BAHCC1: variants seen among roughly 807,000 people sequenced by gnomAD.
BAHCC1 encodes the protein BAH and coiled-coil domain-containing protein 1.
Under a neutral mutation model 88.2 loss-of-function variants are expected in BAHCC1, and 43 were observed. That is an observed-to-expected ratio of 0.49 (90% CI 0.38 to 0.63). BAHCC1 has a LOEUF of 0.63. Among genes scored for constraint, BAHCC1 ranks in the 20% least tolerant of loss-of-function variants. The probability of loss-of-function intolerance (pLI) is 0.00; values close to 1 mark genes in which losing one functional copy is unlikely to be tolerated. For missense variants in BAHCC1, 3,023 were observed against 1,654.8 expected (o/e 1.83, Z -14.34); for synonymous variants, 1,510 against 745.5 (o/e 2.03, Z -16.71).
chr17:81,428,438 C>T (rs1598474751), intron 3 of BAHCC1, among the ~76,000 whole-genome samples: 1 of 152,216 alleles, frequency 6.6e-6, no homozygotes, highest in Non-Finnish European at 1.5e-5. Flanking sequence ...CTGCCTGGTC[C>T]TGGCCCAGCC....
chr17:81,404,833 TCTC>T (rs1346294137), intron 2 of BAHCC1, among the ~76,000 whole-genome samples: 19 of 152,176 alleles, frequency 1.2e-4, no homozygotes, highest in African/African-American at 4.6e-4. Context: ...GCACCTTTGT[TCTC>T]CTTCTCTCTG....
chr17:81,448,459 C>A (rs914052575), intron 11 of BAHCC1, among the ~76,000 whole-genome samples: 3 of 152,156 alleles, frequency 2.0e-5, no homozygotes. Context: ...CCACCCTGGG[C>A]CTTGGTCCGG....
chr17:81,442,106 G>T lies in BAHCC1; in HGVS notation c.757G>T (p.Val253Leu), dbSNP rs782491275. ...EDGGKERHKL[V>L]LPVPADGHCR... ...CGGTGGCAAGGAGCGGCACAAGCTG[G>T]TGCTGCCCGTGCCAGCCGACGGGCA... The change falls in exon 5 of 28, where the codon GTG becomes TTG. Residue 253 changes from valine to leucine, a missense_variant. Transcript: ENST00000675386. 1.4e-6 allele frequency: 1 copy of T among 695,688 alleles called. No individual in the cohort carries two copies. Among genetic ancestry groups the T allele is most frequent in the Non-Finnish European group, 2.7e-6 (1 of 376,572 alleles). The allele number at this position is 695,688 out of a possible 1,614,324, so 43.1% of individuals were successfully genotyped here.
chr17:81,445,362 C>T lies in BAHCC1; in HGVS notation c.2844C>T (p.Pro948=), dbSNP rs756157424. The change falls in exon 10 of 28, where the codon CCC becomes CCT. Residue 948 remains proline (P), a synonymous_variant. Transcript: ENST00000675386. ...GCCCCCATCCCTGACAGCGGAAGCC[C>T]GAAGACCAGCACCTGGATCTGGAGG... ...QQRAAQFQRK[P]EDQHLDLEEP... The T allele has an allele frequency of 1.4e-5, 11 of 774,790 alleles. No homozygotes were observed. Among genetic ancestry groups the T allele is most frequent in the Admixed American group, 1.2e-4 (7 of 58,574 alleles). 48.0% of individuals were successfully genotyped at this position (774,790 alleles called of 1,614,324 possible). A position where few individuals can be genotyped will look rare whatever the true frequency, so the allele number is the denominator to read the frequency against.
chr17:81,452,021 G>A lies in BAHCC1; in HGVS notation c.4230G>A (p.Gly1410=). The change falls in exon 13 of 28, where the codon GGG becomes GGA. Residue 1410 remains glycine (G), a synonymous_variant. Coordinates refer to ENST00000675386, the MANE Select transcript of BAHCC1 (RefSeq NM_001377448.1). ...AIDRLDTQEV[G]MRVRLAELQR... ...ACCGGCTGGACACGCAGGAGGTGGG[G>A]ATGCGCGTGCGGCTGGCGGAGCTGC... 2 of 636,260 alleles carry A rather than the reference G, an allele frequency of 3.1e-6. No homozygotes were observed. The highest frequency in any genetic ancestry group is 2.8e-6 in the Non-Finnish European group (1 of 358,792). The allele number at this position is 636,260 out of a possible 1,614,324, so 39.4% of individuals were successfully genotyped here.
At chr17:81,402,838 C>T (rs1374008981) in intron 2 of BAHCC1, 4 of 152,218 alleles carry the variant, frequency 2.6e-5, no homozygotes, top group Non-Finnish European at 5.9e-5. Context: ...TGGGTGGGGA[C>T]ATGGGGCTCC....
At chr17:81,432,177 G>A (rs1388118385) in intron 3 of BAHCC1, among the ~76,000 whole-genome samples, 1 of 152,142 alleles carries the variant, frequency 6.6e-6, no homozygotes, top group African/African-American at 2.4e-5. Context: ...CCACTGCTGG[G>A]GCCAGTGGCC....
intron 2 of BAHCC1, among the ~76,000 whole-genome samples, chr17:81,406,622 G>C (rs1036945216): frequency 6.6e-6 from 1 of 152,266 alleles, no homozygotes; most frequent in East Asian, 1.9e-4. Flanking sequence ...ATAATATACC[G>C]TTTCGCTCAC....
At chr17:81,404,961 G>T (rs1482642632) in intron 2 of BAHCC1, among the ~76,000 whole-genome samples, 1 of 152,216 alleles carries the variant, frequency 6.6e-6, no homozygotes, top group African/African-American at 2.4e-5. Context: ...GTCTCCCCAC[G>T]AAAATAAGAG....
chr17:81,429,052 G>T (rs906752292), intron 3 of BAHCC1, among the ~76,000 whole-genome samples: 7 of 152,236 alleles, frequency 4.6e-5, no homozygotes, highest in Non-Finnish European at 1.0e-4. Flanking sequence ...CACCGAGGAG[G>T]TTCACCTGTC....
rs1438637891 is a variant in BAHCC1 at position 81,399,634 on chromosome 17, T to C, written c.-106T>C. The C allele has an allele frequency of 1.4e-5, 11 of 769,554 alleles. No individual in the cohort carries two copies. The allele number at this position is 769,554 out of a possible 1,614,324, so 47.7% of individuals were successfully genotyped here. On this transcript the variant is annotated 5_prime_UTR_variant, in exon 2 of 28. Coordinates refer to ENST00000675386, the MANE Select transcript of BAHCC1 (RefSeq NM_001377448.1). The surrounding 1 kb of genome is among the most constrained non-coding windows in gnomAD (Gnocchi z 4.5). ...CCGGCCCCGCCGCCACCACCGCCTG[T>C]GACCCCGGACGCCGCCGCCTCTGCG... is the stretch of plus-strand genomic sequence containing the variant.
chr17:81,432,575 C>T, intron 3 of BAHCC1, among the ~76,000 whole-genome samples: 2 of 138,238 alleles, frequency 1.4e-5, no homozygotes, highest in African/African-American at 5.4e-5. Flanking sequence ...ATCGCCGGGC[C>T]CACCCTCCCC....
In BAHCC1 at chr17:81,444,536, G is replaced by A. The variant is rs1555653752; in HGVS notation, c.2480G>A (p.Ser827Asn). Reference sequence around the variant, plus strand: ...CCCCCCTGGCTGCCCCGCACCCGCAGCCCCTCCCTGTGGATGGGGGGGCAC... The same window carrying A: ...CCCCCCTGGCTGCCCCGCACCCGCAACCCCTCCCTGTGGATGGGGGGGCAC... ...PHPPWLPRTR[S>N]PSLWMGGHSY... Residue 827 changes from serine to asparagine, a missense_variant, in exon 7 of 28, where the codon AGC (serine) becomes AAC (asparagine). By Grantham distance (46) the Ser-to-Asn change is conservative. Transcript: ENST00000675386. 1 of 707,310 alleles carries A rather than the reference G, an allele frequency of 1.4e-6. No individual in the cohort carries two copies. The highest frequency in any genetic ancestry group is 1.5e-5 in the South Asian group (1 of 65,558). 43.8% of individuals were successfully genotyped at this position (707,310 alleles called of 1,614,324 possible).
rs781864977 is a variant in BAHCC1 at position 81,461,449 on chromosome 17, C to A, written c.6786C>A (p.Ile2262=). 1 of 737,906 alleles carries A rather than the reference C, an allele frequency of 1.4e-6. No homozygotes were observed. The allele number at this position is 737,906 out of a possible 1,614,324, so 45.7% of individuals were successfully genotyped here. Residue 2262 remains isoleucine, a synonymous_variant, in exon 26 of 28, where the codon ATC becomes ATA. Transcript: ENST00000675386. ...VGKDKKGRAP[I]PPLPMGLALR... ...AGGACAAGAAGGGGCGGGCACCCAT[C>A]CCCCCGCTGCCCATGGGGCTGGCGC...
At chr17:81,401,314 C>T (rs1239854842) in intron 2 of BAHCC1, 1 of 152,696 alleles carries the variant, frequency 6.5e-6, no homozygotes, top group Non-Finnish European at 1.5e-5. Context: ...CCGGGTTGGC[C>T]CACACCCGCT....
intron 2 of BAHCC1, among the ~76,000 whole-genome samples, chr17:81,424,314 A>G (rs1302943885): frequency 1.3e-5 from 2 of 152,154 alleles, no homozygotes; most frequent in African/African-American, 2.4e-5. Context: ...GGCCCCGCTG[A>G]CCCTGGTGCC....
intron 4 of BAHCC1, among the ~76,000 whole-genome samples, chr17:81,441,095 G>A (rs200220421): frequency 1.5e-4 from 23 of 151,980 alleles, no homozygotes; most frequent in African/African-American, 4.3e-4. Context: ...CCTGCCCCGC[G>A]TCCCCCGAAA....
intron 2 of BAHCC1, among the ~76,000 whole-genome samples, chr17:81,400,326 G>T (rs1379589437): frequency 6.6e-6 from 1 of 152,182 alleles, no homozygotes; most frequent in South Asian, 2.1e-4. Context: ...CTGTTGTGGC[G>T]GGGGGAGGGG....
At chr17:81,418,212 C>T (rs1032312339) in intron 2 of BAHCC1, among the ~76,000 whole-genome samples, 4 of 152,312 alleles carry the variant, frequency 2.6e-5, no homozygotes, top group Admixed American at 1.3e-4. Context: ...GACAGAGCGC[C>T]GCCCCGAATC....
Sources: allele counts gnomAD v4.1 joint callset (sites outside exome capture counted in the v4.1 genomes callset), GRCh38; gene constraint gnomAD v4.1.1; non-coding constraint Gnocchi (gnomAD v3.1); transcripts MANE v1.5; gene names NCBI Gene and HGNC (gene_info 2026-07-23, HGNC 2026-07-21).